SLC39A12: variants seen among roughly 807,000 people sequenced by gnomAD.
SLC39A12 encodes the protein solute carrier family 39 member 12, also known as zinc transporter ZIP12.
SLC39A12 carries 63 observed loss-of-function variants against 71.1 expected under a neutral mutation model. The observed-to-expected ratio is 0.89, with a 90% confidence interval of 0.72 to 1.09. The LOEUF (loss-of-function observed/expected upper bound fraction) is 1.09. SLC39A12 is among the 50% of genes least tolerant of loss of function. The probability of loss-of-function intolerance (pLI) is 0.00; values close to 1 mark genes in which losing one functional copy is unlikely to be tolerated. For synonymous variants in SLC39A12, 351 were observed against 301.3 expected (o/e 1.16, Z -1.71); for missense variants, 892 against 812.6 (o/e 1.10, Z -1.19).
intron 12 of SLC39A12, among the ~76,000 whole-genome samples, chr10:18,028,971 C>A (rs1047705632): frequency 3.9e-5 from 6 of 152,174 alleles, no homozygotes; most frequent in Admixed American, 3.9e-4. Context: ...CCACCCGCCT[C>A]AGCCTCCCAA....
At chr10:18,009,341 A>T (rs982373276) in intron 12 of SLC39A12, among the ~76,000 whole-genome samples, 1 of 152,128 alleles carries the variant, frequency 6.6e-6, no homozygotes, top group African/African-American at 2.4e-5. Flanking sequence ...GCTAATGGAG[A>T]AGGAAGTACC....
At chr10:18,034,135 G>A (rs182990250) in intron 12 of SLC39A12, among the ~76,000 whole-genome samples, 3 of 152,296 alleles carry the variant, frequency 2.0e-5, no homozygotes, top group African/African-American at 7.2e-5. Flanking sequence ...CTGTTGATTT[G>A]TGGTGGAGGG....
rs535952985 is a variant in SLC39A12 at position 17,953,842 on chromosome 10, A to G, written c.261+305A>G. Among the ~76,000 whole-genome samples, 16 of 152,268 alleles carry G rather than the reference A, an allele frequency of 1.1e-4. No individual in the cohort carries two copies. The South Asian group carries it at 2.5e-3, about 24-fold the overall frequency. ...TTTAGTCCTCTTTTCTGATTGACTA[A>G]TCTTTTCTTAAAGCCTTCAGTGCAC... On this transcript the variant is annotated intron_variant, in intron 2 of 12. Coordinates refer to ENST00000377369, the MANE Select transcript of SLC39A12 (RefSeq NM_001145195.2).
intron 10 of SLC39A12, among the ~76,000 whole-genome samples, chr10:17,998,333 T>C (rs1368983006): frequency 1.3e-5 from 2 of 152,240 alleles, no homozygotes; most frequent in Non-Finnish European, 2.9e-5. Context: ...CTTTGGAATA[T>C]ATGCTATTAA....
rs200973416 is a variant in SLC39A12 at position 17,977,887 on chromosome 10, A to C, written c.752-15A>C. ...TCTATTCTATGTGACACCAGATTTTATATGAAATTTCTAGAACTAGACCAA... is the reference window on the plus strand; with the variant it reads ...TCTATTCTATGTGACACCAGATTTTCTATGAAATTTCTAGAACTAGACCAA... On this transcript the variant is annotated splice_polypyrimidine_tract_variant and intron_variant, in intron 4 of 12. Transcript: ENST00000377369. 1.3e-6 allele frequency: 2 copies of C among 1,559,066 alleles called. No homozygotes were observed. Among genetic ancestry groups the C allele is most frequent in the African/African-American group, 1.4e-5 (1 of 72,752 alleles).
intron 12 of SLC39A12, chr10:18,005,443 C>G (rs961078736): frequency 2.0e-5 from 3 of 152,172 alleles, no homozygotes; most frequent in African/African-American, 7.2e-5. Context: ...TCCTCAGATT[C>G]ACTCTTGAGC....
At chr10:17,990,067 TAGTC>T (rs1835504340) in intron 7 of SLC39A12, among the ~76,000 whole-genome samples, 1 of 152,328 alleles carries the variant, frequency 6.6e-6, no homozygotes, top group South Asian at 2.1e-4. Context: ...TTGCCTTTTT[TAGTC>T]AGCTAAATTT....
At chr10:18,036,016 C>T (rs1836998989) in intron 12 of SLC39A12, among the ~76,000 whole-genome samples, 1 of 152,154 alleles carries the variant, frequency 6.6e-6, no homozygotes, top group Admixed American at 6.5e-5. Flanking sequence ...CTCAGATCTC[C>T]AGCTGCGTGC....
At chr10:18,008,777 T>A (rs1335162655) in intron 12 of SLC39A12, 1 of 152,176 alleles carries the variant, frequency 6.6e-6, no homozygotes, top group Non-Finnish European at 1.5e-5. Flanking sequence ...ACTGTTTCTC[T>A]CCTAATCGCC....
chr10:18,041,080 C>G (rs1342570518), intron 12 of SLC39A12, among the ~76,000 whole-genome samples: 3 of 152,052 alleles, frequency 2.0e-5, no homozygotes, highest in Admixed American at 6.5e-5. Flanking sequence ...CTTGTTGACA[C>G]GAGCCTGTGT....
intron 4 of SLC39A12, among the ~76,000 whole-genome samples, chr10:17,970,331 T>C (rs186164490): frequency 1.3e-5 from 2 of 152,326 alleles, no homozygotes; most frequent in East Asian, 3.9e-4. Context: ...AGAATATCAT[T>C]GATATTGTCA....
chr10:18,042,730 CACAA>C lies in SLC39A12; in HGVS notation c.1974_1977del (p.Gln659AspfsTer4). On this transcript the variant is annotated frameshift_variant, in exon 13 of 13. Coordinates refer to ENST00000377369, the MANE Select transcript of SLC39A12 (RefSeq NM_001145195.2). LOFTEE classifies it high-confidence loss of function. ...CTTCCTGAAATGACTCATGTTCAAA[CACAA>C]CGACCCTGGATGATGTTTCTCCTGC... 6.2e-7 allele frequency: 1 copy of C among 1,609,420 alleles called. No individual in the cohort carries two copies.
At chr10:18,019,308 T>C (rs1232337141) in intron 12 of SLC39A12, among the ~76,000 whole-genome samples, 5 of 151,896 alleles carry the variant, frequency 3.3e-5, no homozygotes, top group African/African-American at 1.2e-4. Flanking sequence ...CTAGCCAGAG[T>C]CTTATCTATT....
intron 7 of SLC39A12, among the ~76,000 whole-genome samples, chr10:17,989,385 T>C (rs549256054): frequency 9.8e-5 from 15 of 152,384 alleles, no homozygotes; most frequent in African/African-American, 3.6e-4. Context: ...TCAGGGCTTA[T>C]GACTGAGTAG....
At chr10:18,012,642 G>A (rs1836258899) in intron 12 of SLC39A12, among the ~76,000 whole-genome samples, 1 of 152,154 alleles carries the variant, frequency 6.6e-6, no homozygotes, top group Non-Finnish European at 1.5e-5. Flanking sequence ...GCAGAGACAG[G>A]CGGATCACGA....
At chr10:18,005,030 C>T (rs1196728759) in intron 12 of SLC39A12, among the ~76,000 whole-genome samples, 1 of 143,764 alleles carries the variant, frequency 7.0e-6, no homozygotes, top group African/African-American at 2.6e-5. Context: ...GCGATAAGAA[C>T]ACATGGACAT....
At chr10:18,026,078 A>C (rs995546264) in intron 12 of SLC39A12, among the ~76,000 whole-genome samples, 2 of 152,222 alleles carry the variant, frequency 1.3e-5, no homozygotes, top group African/African-American at 4.8e-5. Context: ...TAACAACTGT[A>C]ACCTGTTAGA....
At chr10:18,000,159 G>A (rs565893894) in intron 10 of SLC39A12, among the ~76,000 whole-genome samples, 5 of 152,200 alleles carry the variant, frequency 3.3e-5, no homozygotes, top group South Asian at 4.1e-4. Context: ...TGGCAGAAGG[G>A]GCAAGGGAAC....
rs375148755 is a variant in SLC39A12, at chr10:17,953,322, C to A, written c.46C>A (p.Leu16Ile). 27 of 1,614,096 alleles carry A rather than the reference C, an allele frequency of 1.7e-5. No homozygotes were observed. The highest frequency in any genetic ancestry group is 2.2e-5 in the Non-Finnish European group (26 of 1,180,038). The part of the protein sequence containing the change: ...KLSVSWVPLF[L>I]LLSRVFSTET... ...CTCAGTATCCTGGGTGCCATTGTTTCTTCTACTCAGCCGTGTTTTTTCTAC... is the reference window on the plus strand; with the variant it reads ...CTCAGTATCCTGGGTGCCATTGTTTATTCTACTCAGCCGTGTTTTTTCTAC... Residue 16 changes from leucine to isoleucine, a missense_variant, in exon 2 of 13, where the codon CTT (leucine) becomes ATT (isoleucine). Transcript: ENST00000377369.
Sources: allele counts gnomAD v4.1 joint callset (sites outside exome capture counted in the v4.1 genomes callset), GRCh38; gene constraint gnomAD v4.1.1; transcripts MANE v1.5; gene names NCBI Gene and HGNC (gene_info 2026-07-23, HGNC 2026-07-21).